NYAP2: variants seen among roughly 807,000 people sequenced by gnomAD.
The protein encoded by NYAP2 is neuronal tyrosine-phosphorylated phosphoinositide-3-kinase adaptor 2.
A neutral mutation model predicts 50.4 loss-of-function variants in NYAP2; 23 were observed. The ratio of observed to expected loss-of-function variants is 0.46; its 90% CI spans 0.33 to 0.65. NYAP2 has a LOEUF of 0.65. Among genes scored for constraint, NYAP2 ranks in the 30% least tolerant of loss-of-function variants. NYAP2 has a pLI of 0.02. For missense variants in NYAP2, 885 were observed against 861.0 expected, an observed-to-expected ratio of 1.03 and a Z score of -0.35; for synonymous variants, 394 against 365.2, an observed-to-expected ratio of 1.08 and a Z score of -0.90.
At chr2:225,409,348 T>G (rs1415825642) in intron 3 of NYAP2, among the ~76,000 whole-genome samples, 1 of 152,014 alleles carries the variant, frequency 6.6e-6, no homozygotes, top group Non-Finnish European at 1.5e-5. Context: ...TGGGGAAAAA[T>G]TCAATTTCCT....
Position 225,415,393 on chromosome 2 carries a change from G to A in NYAP2, c.221+6292G>A, listed in dbSNP as rs180728833. 5.3e-5 allele frequency among the ~76,000 whole-genome samples: 8 copies of A among 152,168 alleles called. No individual in the cohort carries two copies. In the East Asian group the frequency reaches 1.5e-3, roughly 29 times the overall value. ...TACATTGCTGCCCCAAAAGCAAATG[G>A]CTATGATATCCAAGTTTTGAATTGG... On this transcript the variant is annotated intron_variant, in intron 3 of 6. Transcript: ENST00000636099.
At chr2:225,538,814 C>CT (rs775908943) in intron 4 of NYAP2, among the ~76,000 whole-genome samples, 3 of 75,482 alleles carry the variant, frequency 4.0e-5, no homozygotes, top group East Asian at 7.9e-4. Flanking sequence ...TTCTTTCTTT[C>CT]TTTCTTTCTT....
intron 5 of NYAP2, among the ~76,000 whole-genome samples, chr2:225,586,746 C>T (rs1190504000): frequency 6.6e-6 from 1 of 152,066 alleles, no homozygotes; most frequent in Non-Finnish European, 1.5e-5. Flanking sequence ...AATCAGGTGC[C>T]ATGAATCATA....
chr2:225,701,008 AC>A, the NYAP2 span: 2 of 151,774 alleles, frequency 1.3e-5, no homozygotes, highest in Non-Finnish European at 2.9e-5. Context: ...ACCTTAGGCA[AC>A]CATTTTCATT....
intron 5 of NYAP2, among the ~76,000 whole-genome samples, chr2:225,591,096 G>A (rs554142629): frequency 1.7e-3 from 259 of 152,326 alleles, no homozygotes; most frequent in Non-Finnish European, 2.5e-3. Context: ...TTTTGGAGGG[G>A]GAGGACTAGC....
intron 2 of NYAP2, among the ~76,000 whole-genome samples, chr2:225,402,639 C>G (rs1694881441): frequency 6.6e-6 from 1 of 151,980 alleles, no homozygotes; most frequent in Admixed American, 6.6e-5. Flanking sequence ...GAGAAAAACT[C>G]ACTGCAAAGT....
At chr2:225,416,913 A>G (rs532115778) in intron 3 of NYAP2, among the ~76,000 whole-genome samples, 1 of 152,300 alleles carries the variant, frequency 6.6e-6, no homozygotes, top group South Asian at 2.1e-4. Flanking sequence ...TGGACCTTCC[A>G]AACATCCAAC....
At chr2:225,587,193 G>A (rs1692403798) in intron 5 of NYAP2, among the ~76,000 whole-genome samples, 1 of 152,124 alleles carries the variant, frequency 6.6e-6, no homozygotes, top group African/African-American at 2.4e-5. Flanking sequence ...GAGATTTGGT[G>A]GGGGACACAG....
At chr2:225,517,422 T>C (rs1398467575) in intron 4 of NYAP2, among the ~76,000 whole-genome samples, 1 of 152,188 alleles carries the variant, frequency 6.6e-6, no homozygotes, top group African/African-American at 2.4e-5. Flanking sequence ...GGTAAACACA[T>C]AGCCGATTCC....
chr2:225,618,775 C>G (rs1050532011), intron 5 of NYAP2, among the ~76,000 whole-genome samples: 6 of 152,186 alleles, frequency 3.9e-5, no homozygotes, highest in African/African-American at 1.4e-4. Flanking sequence ...AGCATTGGAA[C>G]TTGGTTCTAA....
At chr2:225,651,352 C>T in intron 6 of NYAP2, 80 bp from the exon 7 acceptor site, 1 of 1,572,954 alleles carries the variant, frequency 6.4e-7, no homozygotes, top group South Asian at 1.1e-5. Context: ...AGTAGCGAAA[C>T]AAACAGAAAG....
intron 5 of NYAP2, among the ~76,000 whole-genome samples, chr2:225,609,941 A>G (rs148962436): frequency 6.6e-6 from 1 of 152,244 alleles, no homozygotes; most frequent in Non-Finnish European, 1.5e-5. Flanking sequence ...ATCACACCTC[A>G]GCTTTATTGT....
chr2:225,639,834 T>C (rs1359709019), intron 6 of NYAP2, among the ~76,000 whole-genome samples: 2 of 152,128 alleles, frequency 1.3e-5, no homozygotes, highest in Non-Finnish European at 2.9e-5. Context: ...CTTTAGAGTG[T>C]GTTTCAACGC....
At chr2:225,625,361 A>AT (rs911012122) in intron 5 of NYAP2, among the ~76,000 whole-genome samples, 11 of 152,298 alleles carry the variant, frequency 7.2e-5, no homozygotes, top group Admixed American at 2.0e-4. Context: ...GGAGTCAACC[A>AT]TTTTTTAAAA....
At chr2:225,625,339 A>G (rs1441214592) in intron 5 of NYAP2, among the ~76,000 whole-genome samples, 2 of 152,340 alleles carry the variant, frequency 1.3e-5, no homozygotes, top group African/African-American at 2.4e-5. Context: ...ATGGAGCAAT[A>G]TGATAGGTGG....
chr2:225,601,959 T>G (rs969266330), intron 5 of NYAP2, among the ~76,000 whole-genome samples: 1 of 152,236 alleles, frequency 6.6e-6, no homozygotes, highest in African/African-American at 2.4e-5. Context: ...CAAATCCAAA[T>G]GCAGTCTTGT....
chr2:225,633,876 C>A (rs1408616979), intron 6 of NYAP2, among the ~76,000 whole-genome samples: 1 of 152,152 alleles, frequency 6.6e-6, no homozygotes, highest in East Asian at 1.9e-4. Flanking sequence ...CTGGGTAAGA[C>A]CCGAAGACCA....
intron 5 of NYAP2, among the ~76,000 whole-genome samples, chr2:225,594,966 A>G (rs1692571405): frequency 6.6e-6 from 1 of 152,250 alleles, no homozygotes; most frequent in African/African-American, 2.4e-5. Context: ...ATGGATTGTA[A>G]AGCAGCGTGT....
At chr2:225,405,475 G>A (rs756245613) in intron 2 of NYAP2, among the ~76,000 whole-genome samples, 31 of 151,980 alleles carry the variant, frequency 2.0e-4, no homozygotes, top group Admixed American at 6.6e-4. Context: ...ATGCAGTCAA[G>A]TTTTTGGTGG....
Sources: gnomAD v4.1 joint callset for allele counts (sites outside exome capture counted in the v4.1 genomes callset) on GRCh38, gnomAD v4.1.1 for gene constraint, MANE v1.5 for transcripts, NCBI Gene and HGNC (gene_info 2026-07-23, HGNC 2026-07-21) for gene names.